The following LRRTM4 variants were observed in gnomAD, a reference collection of about 807,000 sequenced individuals.
The protein encoded by LRRTM4 is leucine rich repeat transmembrane neuronal 4.
LRRTM4 carries 25 observed loss-of-function variants against 47.6 expected under a neutral mutation model. The ratio of observed to expected loss-of-function variants is 0.53; its 90% CI spans 0.38 to 0.73. The LOEUF is 0.73. Among genes scored for constraint, LRRTM4 ranks in the 30% least tolerant of loss-of-function variants. LRRTM4 has a pLI of 0.00. For synonymous variants in LRRTM4, 311 were observed against 269.5 expected (o/e 1.15, Z -1.51); for missense variants, 638 against 713.4 (o/e 0.89, Z 1.20).
intron 3 of LRRTM4, among the ~76,000 whole-genome samples, chr2:77,044,886 T>C (rs957278605): frequency 1.3e-5 from 2 of 151,624 alleles, no homozygotes; most frequent in East Asian, 3.9e-4. Context: ...TGTATACATA[T>C]ACATATATAT....
In LRRTM4 at chr2:77,165,143, C is replaced by A. The variant is rs371655388; in HGVS notation, c.1551+353175G>T. Among the ~76,000 whole-genome samples the A allele has an allele frequency of 1.9e-4, 29 of 152,230 alleles. No homozygotes were observed. In the Middle Eastern group the frequency reaches 0.017, roughly 89 times the overall value. ...TGATAAAGGGGATATCACCACTGAT[C>A]ACACAGAAATAAGAAATACTATCAG... On this transcript the variant is annotated intron_variant, in intron 3 of 3. Coordinates refer to ENST00000409884, the MANE Select transcript of LRRTM4 (RefSeq NM_001134745.3).
chr2:77,000,332 T>C (rs1246353924), intron 3 of LRRTM4, among the ~76,000 whole-genome samples: 2 of 151,712 alleles, frequency 1.3e-5, no homozygotes, highest in Admixed American at 6.6e-5. Flanking sequence ...GGGTTAGTAA[T>C]TGTGTGGTCT....
intron 3 of LRRTM4, among the ~76,000 whole-genome samples, chr2:77,423,986 T>A (rs928937007): frequency 6.6e-6 from 1 of 152,136 alleles, no homozygotes; most frequent in Non-Finnish European, 1.5e-5. Flanking sequence ...TCAATTAGAA[T>A]AATTTTTTAT....
At position 77,518,445 on chromosome 2, in the gene LRRTM4, C is replaced by T. The variant is rs1245826851; in HGVS notation, c.1424G>A (p.Arg475Lys). The T allele has an allele frequency of 1.9e-6, 3 of 1,613,264 alleles. No individual in the cohort carries two copies. The highest frequency in any genetic ancestry group is 3.3e-5 in the Admixed American group (2 of 59,846). The change falls in exon 3 of 4, where the codon AGA becomes AAA. Residue 475 changes from arginine (R) to lysine (K), a missense_variant. By Grantham distance (26) the Arg-to-Lys change is conservative. Transcript: ENST00000409884. The part of the protein sequence containing the change: ...RRRKKARESE[R>K]QMNSPLQEYY... ...CTCCTGTAAAGGGGAATTCATTTGT[C>T]TTTCAGACTCTCTGGCCTTTTTCCG...
chr2:77,522,222 A>C lies in LRRTM4; in HGVS notation c.-261T>G, dbSNP rs1263117177. 3.9e-5 allele frequency: 27 copies of C among 686,236 alleles called. No homozygotes were observed. The highest frequency in any genetic ancestry group is 6.2e-5 in the Non-Finnish European group (23 of 371,182). The allele number at this position is 686,236 out of a possible 1,614,324, so 42.5% of individuals were successfully genotyped here. ...CTGTGCTGTATGAGACCCCAGTTTA[A>C]AAGCTATGCAGGCTAGGTTTATCCA... On this transcript the variant is annotated 5_prime_UTR_variant, in exon 1 of 4. Transcript: ENST00000409884.
intron 3 of LRRTM4, among the ~76,000 whole-genome samples, chr2:77,480,243 T>A (rs72811271): frequency 0.19 from 28,094 of 151,826 alleles, 3,011 homozygotes; most frequent in Non-Finnish European, 0.25. Context: ...AAAAAGATGA[T>A]CAAGTAAAAG....
chr2:76,825,886 A>T (rs2103875604), intron 3 of LRRTM4, among the ~76,000 whole-genome samples: 1 of 151,750 alleles, frequency 6.6e-6, no homozygotes, highest in African/African-American at 2.4e-5. Flanking sequence ...ACAAGAGATT[A>T]TGGAGTTGCA....
Position 76,795,252 on chromosome 2 carries a change from A to ACAC in LRRTM4, c.1552-46337_1552-46336insGTG, listed in dbSNP as rs1421998741. 4.9e-5 allele frequency among the ~76,000 whole-genome samples: 7 copies of ACAC among 143,614 alleles called. No homozygotes were observed. The East Asian group carries it at 1.1e-3, about 23-fold the overall frequency. The allele number at this position is 143,614 out of a possible 152,430, so 94.2% of individuals were successfully genotyped here. ...AAGTGTGTTTTGTACTTTAAAAATC[A>ACAC]TTTTTAATTGACAAATACAAATTTC... On this transcript the variant is annotated intron_variant, in intron 3 of 3. Coordinates refer to ENST00000409884, the MANE Select transcript of LRRTM4 (RefSeq NM_001134745.3).
intron 3 of LRRTM4, among the ~76,000 whole-genome samples, chr2:76,824,051 T>C (rs1671126228): frequency 6.6e-6 from 1 of 151,014 alleles, no homozygotes; most frequent in Non-Finnish European, 1.5e-5. Context: ...CTGGGTAATC[T>C]GATTCTTATC....
At chr2:76,850,320 G>C (rs947995793) in intron 3 of LRRTM4, among the ~76,000 whole-genome samples, 4 of 152,050 alleles carry the variant, frequency 2.6e-5, no homozygotes, top group African/African-American at 9.7e-5. Context: ...GCATATTCTG[G>C]AAGCCCAGTA....
chr2:77,342,531 G>C (rs1341683341), intron 3 of LRRTM4, among the ~76,000 whole-genome samples: 2 of 151,904 alleles, frequency 1.3e-5, no homozygotes, highest in Non-Finnish European at 2.9e-5. Flanking sequence ...ATTCATAACT[G>C]TTAGATCTTA....
At chr2:77,288,321 C>T (rs949088138) in intron 3 of LRRTM4, among the ~76,000 whole-genome samples, 1 of 151,366 alleles carries the variant, frequency 6.6e-6, no homozygotes, top group Non-Finnish European at 1.5e-5. Flanking sequence ...CAATACATAA[C>T]CGAATATTGC....
chr2:77,452,876 C>T (rs1676315716), intron 3 of LRRTM4, among the ~76,000 whole-genome samples: 1 of 152,062 alleles, frequency 6.6e-6, no homozygotes, highest in Non-Finnish European at 1.5e-5. Context: ...CATACATTTT[C>T]ATTTTCTAAA....
Position 77,487,405 on chromosome 2 carries a change from G to A in LRRTM4, c.1551+30913C>T, listed in dbSNP as rs189953650. Among the ~76,000 whole-genome samples the A allele has an allele frequency of 6.6e-4, 101 of 152,254 alleles. 1 individual carries two copies. Among genetic ancestry groups the A allele is most frequent in the African/African-American group, 2.2e-3 (92 of 41,528 alleles). ...GGCCGACTGGGCACTGTCATGATCC[G>A]GCTGGGTGTGTGTACGCTTGGTGTG... On this transcript the variant is annotated intron_variant, in intron 3 of 3. Transcript: ENST00000409884.
At chr2:76,959,448 A>G (rs999698610) in intron 3 of LRRTM4, among the ~76,000 whole-genome samples, 62 of 144,360 alleles carry the variant, frequency 4.3e-4, no homozygotes, top group Admixed American at 1.4e-3. Flanking sequence ...ATTTCTGGGG[A>G]AAAAAAACAC....
intron 3 of LRRTM4, among the ~76,000 whole-genome samples, chr2:77,431,261 C>G (rs1441046): frequency 0.57 from 83,787 of 147,788 alleles, 25,216 homozygotes; most frequent in African/African-American, 0.61. Context: ...ATAAATAATA[C>G]AATTTTTTTT....
At chr2:77,235,568 C>T (rs971655936) in intron 3 of LRRTM4, among the ~76,000 whole-genome samples, 2 of 152,078 alleles carry the variant, frequency 1.3e-5, no homozygotes, top group East Asian at 3.9e-4. Flanking sequence ...CGTTTGAGGA[C>T]ATAGTCATAA....
chr2:77,378,208 T>G (rs1355396911), intron 3 of LRRTM4, among the ~76,000 whole-genome samples: 3 of 152,046 alleles, frequency 2.0e-5, no homozygotes, highest in Middle Eastern at 3.2e-3. Flanking sequence ...GTATTTTACT[T>G]TCTAAATTAC....
At chr2:77,314,759 T>C (rs1047644181) in intron 3 of LRRTM4, among the ~76,000 whole-genome samples, 1 of 152,204 alleles carries the variant, frequency 6.6e-6, no homozygotes, top group Non-Finnish European at 1.5e-5. Flanking sequence ...TACTTTATGA[T>C]AGTGTGAAAG....
Sources: gnomAD v4.1 joint callset for allele counts (sites outside exome capture counted in the v4.1 genomes callset) on GRCh38, gnomAD v4.1.1 for gene constraint, MANE v1.5 for transcripts, NCBI Gene and HGNC (gene_info 2026-07-23, HGNC 2026-07-21) for gene names.